FAT3: variants seen among roughly 807,000 people sequenced by gnomAD.
The protein encoded by FAT3 is protocadherin Fat 3.
A neutral mutation model predicts 310.2 loss-of-function variants in FAT3; 95 were observed. The ratio of observed to expected loss-of-function variants is 0.31; its 90% CI spans 0.26 to 0.36. The LOEUF is 0.36. Ranked by LOEUF, FAT3 falls within the 10% of genes least tolerant of loss-of-function variation. The pLI, the probability that FAT3 is intolerant of heterozygous loss-of-function variation, is 1.00. For synonymous variants in FAT3, 2,314 were observed against 2,192.9 expected (o/e 1.06, Z -1.54); for missense variants, 5,408 against 5,715.6 (o/e 0.95, Z 1.74).
chr11:92,486,129 G>GTTTTTTTTTTTTTTTTTTTTT (rs1565353395), intron 2 of FAT3, among the ~76,000 whole-genome samples: 1 of 27,684 alleles, frequency 3.6e-5, no homozygotes, highest in African/African-American at 8.5e-5. Flanking sequence ...AGGCTGCTGG[G>GTTTTTTTTTTTTTTTTTTTTT]GTTTTTTTTT....
At chr11:92,592,834 CAT>C (rs985592627) in intron 3 of FAT3, among the ~76,000 whole-genome samples, 2 of 152,056 alleles carry the variant, frequency 1.3e-5, no homozygotes, top group African/African-American at 4.8e-5. Flanking sequence ...AAATCCATAA[CAT>C]AAAATTTACC....
At chr11:92,821,310 C>T (rs544561573) in intron 13 of FAT3, among the ~76,000 whole-genome samples, 6 of 152,206 alleles carry the variant, frequency 3.9e-5, no homozygotes, top group African/African-American at 7.2e-5. Flanking sequence ...CCAGTAATTT[C>T]TACAAGAAAA....
intron 19 of FAT3, among the ~76,000 whole-genome samples, chr11:92,856,042 A>T (rs1948971510): frequency 6.9e-6 from 1 of 144,542 alleles, no homozygotes; most frequent in Admixed American, 7.2e-5. Context: ...GTGCAGTGGC[A>T]TAATCATAGC....
intron 2 of FAT3, among the ~76,000 whole-genome samples, chr11:92,432,095 G>A (rs992791956): frequency 5.3e-5 from 8 of 152,070 alleles, no homozygotes; most frequent in Non-Finnish European, 1.2e-4. Flanking sequence ...GGGCAGTATG[G>A]CCATTTTCAC....
intron 2 of FAT3, among the ~76,000 whole-genome samples, chr11:92,442,107 A>ATTT (rs1565320189): frequency 2.8e-4 from 14 of 49,864 alleles, no homozygotes; most frequent in African/African-American, 1.5e-3. Context: ...ATATATATAT[A>ATTT]TATATTTTTT....
chr11:92,816,451 C>T lies in FAT3; in HGVS notation c.9481+6375C>T, dbSNP rs148445706. Among the ~76,000 whole-genome samples, 64 of 152,316 alleles carry T rather than the reference C, an allele frequency of 4.2e-4. 1 individual carries two copies. Among genetic ancestry groups the T allele is most frequent in the Non-Finnish European group, 5.6e-4 (38 of 68,026 alleles). On this transcript the variant is annotated intron_variant, in intron 13 of 27. Coordinates refer to ENST00000525166, the MANE Select transcript of FAT3 (RefSeq NM_001367949.2). ...CCTGGGAGAGACCACATCACTCCACCACTATCCACTGCCCAGAAGGAGTCC... is the reference window on the plus strand; with the variant it reads ...CCTGGGAGAGACCACATCACTCCACTACTATCCACTGCCCAGAAGGAGTCC...
chr11:92,673,362 C>G (rs548549338), intron 3 of FAT3, among the ~76,000 whole-genome samples: 1 of 152,126 alleles, frequency 6.6e-6, no homozygotes, highest in African/African-American at 2.4e-5. Flanking sequence ...ATTCATCCAA[C>G]GAAACTCTAT....
chr11:92,463,241 G>A (rs898000261), intron 2 of FAT3, among the ~76,000 whole-genome samples: 3 of 152,206 alleles, frequency 2.0e-5, no homozygotes, highest in African/African-American at 7.2e-5. Context: ...TTGCTGGCAT[G>A]CTCTCATTTT....
intron 3 of FAT3, among the ~76,000 whole-genome samples, chr11:92,580,952 C>T (rs147013211): frequency 1.3e-5 from 2 of 152,132 alleles, no homozygotes; most frequent in African/African-American, 4.8e-5. Flanking sequence ...TCATTCCATT[C>T]CCCCAAGTTT....
At chr11:92,469,732 G>C (rs1297709440) in intron 2 of FAT3, among the ~76,000 whole-genome samples, 1 of 151,794 alleles carries the variant, frequency 6.6e-6, no homozygotes, top group Non-Finnish European at 1.5e-5. Context: ...GGTCAGGCTG[G>C]TCTCAAACTC....
At chr11:92,730,891 T>A (rs1388858731) in intron 4 of FAT3, among the ~76,000 whole-genome samples, 1 of 152,186 alleles carries the variant, frequency 6.6e-6, no homozygotes, top group Non-Finnish European at 1.5e-5. Context: ...TTATCATAGG[T>A]CTTCTTATGC....
rs745323727 is a variant in FAT3 at position 92,882,904 on chromosome 11, G to C, written c.12448G>C (p.Val4150Leu). 2.5e-6 allele frequency: 4 copies of C among 1,612,816 alleles called. No homozygotes were observed. In the Admixed American group the frequency reaches 6.7e-5, roughly 27 times the overall value. ...CAATATCCAGGCTGGCCACTCCTAC[G>C]TGGGGAAGGAGGAGCTCATCGGCAT... ...VPNIQAGHSY[V>L]GKEELIGIAV... The change falls in exon 24 of 28, where the codon GTG (valine) becomes CTG (leucine). Residue 4150 changes from valine (V) to leucine (L), a missense_variant. Val to Leu is a conservative substitution (Grantham distance 32). Coordinates refer to ENST00000525166, the MANE Select transcript of FAT3 (RefSeq NM_001367949.2).
Position 92,789,462 on chromosome 11 carries a change from G to A in FAT3, c.4336-481G>A, listed in dbSNP as rs550898867. ...CCCCTACTATCAGGACAACCACAGG[G>A]CATGGACACTGCCACTGAGAAGCTG... On this transcript the variant is annotated intron_variant, in intron 7 of 27. Transcript: ENST00000525166. Among the ~76,000 whole-genome samples the A allele has an allele frequency of 1.1e-4, 16 of 152,224 alleles. No individual in the cohort carries two copies. The South Asian group carries it at 3.3e-3, about 32-fold the overall frequency.
intron 2 of FAT3, among the ~76,000 whole-genome samples, chr11:92,377,215 A>G (rs1354453532): frequency 6.6e-6 from 1 of 152,246 alleles, no homozygotes; most frequent in Non-Finnish European, 1.5e-5. Context: ...TAATGGACGT[A>G]TAATGGCTAA....
chr11:92,397,295 A>G (rs926940182), intron 2 of FAT3, among the ~76,000 whole-genome samples: 1 of 152,248 alleles, frequency 6.6e-6, no homozygotes, highest in Middle Eastern at 3.4e-3. Flanking sequence ...TTTCTAAGGG[A>G]TGGGGAGATT....
intron 2 of FAT3, among the ~76,000 whole-genome samples, chr11:92,413,663 G>A (rs1215708026): frequency 6.6e-6 from 1 of 152,174 alleles, no homozygotes; most frequent in Non-Finnish European, 1.5e-5. Flanking sequence ...TAGAATTTCA[G>A]CTTTCCCTGC....
intron 2 of FAT3, among the ~76,000 whole-genome samples, chr11:92,369,913 C>T (rs1338860465): frequency 2.6e-5 from 4 of 152,102 alleles, no homozygotes; most frequent in African/African-American, 4.8e-5. Flanking sequence ...ACTGCTTTTT[C>T]GGAGCAGTTG....
Position 92,801,648 on chromosome 11 carries a change from A to G in FAT3, c.8635A>G (p.Lys2879Glu). 1 of 1,613,804 alleles carries G rather than the reference A, an allele frequency of 6.2e-7. No homozygotes were observed. The highest frequency in any genetic ancestry group is 8.5e-7 in the Non-Finnish European group (1 of 1,179,836). The change falls in exon 10 of 28, where the codon AAG (lysine) becomes GAG (glutamate). Residue 2879 changes from lysine (K) to glutamate (E), a missense_variant. Transcript: ENST00000525166. ...DSNTGWISTL[K>E]DLDHETDPTF... The stretch of plus-strand genomic sequence containing the variant: ...CAACACGGGCTGGATCAGTACCTTG[A>G]AGGACCTAGATCACGAGACAGACCC...
intron 3 of FAT3, among the ~76,000 whole-genome samples, chr11:92,548,006 T>C (rs2135428847): frequency 6.6e-6 from 1 of 152,314 alleles, no homozygotes; most frequent in South Asian, 2.1e-4. Flanking sequence ...GGCTGGAATC[T>C]ACAAGCAGTA....
Sources: allele counts gnomAD v4.1 joint callset (sites outside exome capture counted in the v4.1 genomes callset), GRCh38; gene constraint gnomAD v4.1.1; transcripts MANE v1.5; gene names NCBI Gene and HGNC (gene_info 2026-07-23, HGNC 2026-07-21).